ZNF407: variants seen among roughly 807,000 people sequenced by gnomAD.
The protein encoded by ZNF407 is zinc finger protein 407.
Under a neutral mutation model 131.2 loss-of-function variants are expected in ZNF407, and 17 were observed. The ratio of observed to expected loss-of-function variants is 0.13; its 90% CI spans 0.09 to 0.19. ZNF407 has a LOEUF of 0.19. Among genes scored for constraint, ZNF407 ranks in the 10% least tolerant of loss-of-function variants. The pLI is 1.00. For missense variants in ZNF407, 2,681 were observed against 2,830.6 expected (o/e 0.95, Z 1.20); for synonymous variants, 1,156 against 1,062.0 (o/e 1.09, Z -1.72).
intron 3 of ZNF407, among the ~76,000 whole-genome samples, chr18:74,704,946 G>A (rs1263239129): frequency 4.6e-5 from 7 of 152,176 alleles, no homozygotes; most frequent in African/African-American, 9.6e-5. Context: ...ATGAAGATTC[G>A]GTTTCTCTTT....
At chr18:74,980,423 G>A (rs947686098) in intron 8 of ZNF407, among the ~76,000 whole-genome samples, 1 of 152,010 alleles carries the variant, frequency 6.6e-6, no homozygotes, top group African/African-American at 2.4e-5. Flanking sequence ...CCCTGCCTCA[G>A]CCTCCCGAGT....
intron 7 of ZNF407, chr18:74,905,173 T>C (rs1388169197): frequency 1.3e-5 from 2 of 152,256 alleles, no homozygotes; most frequent in South Asian, 2.1e-4. Flanking sequence ...CTACTAAATA[T>C]GTTTAAAAAA....
At chr18:74,693,108 T>G (rs1967268167) in intron 3 of ZNF407, among the ~76,000 whole-genome samples, 1 of 152,230 alleles carries the variant, frequency 6.6e-6, no homozygotes, top group Non-Finnish European at 1.5e-5. Flanking sequence ...AGCTGATTTC[T>G]TCCTATCCAT....
At chr18:74,704,112 T>C (rs1295018051) in intron 3 of ZNF407, among the ~76,000 whole-genome samples, 1 of 152,152 alleles carries the variant, frequency 6.6e-6, no homozygotes, top group African/African-American at 2.4e-5. Context: ...GGCATGGCCA[T>C]GAGGAGGCAC....
At chr18:74,788,201 A>G (rs938978554) in intron 4 of ZNF407, among the ~76,000 whole-genome samples, 43 of 152,288 alleles carry the variant, frequency 2.8e-4, no homozygotes, top group Admixed American at 2.5e-3. Context: ...TCCGCAATAT[A>G]TTTTAAAAAC....
At chr18:75,052,866 T>C (rs1973518552) in intron 8 of ZNF407, among the ~76,000 whole-genome samples, 1 of 152,220 alleles carries the variant, frequency 6.6e-6, no homozygotes, top group South Asian at 2.1e-4. Flanking sequence ...TGATCAGCGT[T>C]CGGACCCATA....
intron 8 of ZNF407, among the ~76,000 whole-genome samples, chr18:74,930,755 C>G (rs1254290057): frequency 6.6e-6 from 1 of 152,198 alleles, no homozygotes; most frequent in Admixed American, 6.5e-5. Flanking sequence ...CTCCTGTGCC[C>G]TGTGTGCACC....
chr18:74,924,391 G>T (rs957709490), intron 8 of ZNF407, among the ~76,000 whole-genome samples: 1 of 151,568 alleles, frequency 6.6e-6, no homozygotes, highest in Non-Finnish European at 1.5e-5. Flanking sequence ...CCCAATCTAG[G>T]TCTAATATGA....
At chr18:74,851,863 G>C (rs1002356859) in intron 4 of ZNF407, among the ~76,000 whole-genome samples, 2 of 152,192 alleles carry the variant, frequency 1.3e-5, no homozygotes, top group African/African-American at 4.8e-5. Flanking sequence ...TGTTCGGCTT[G>C]TACAGGTTGT....
intron 8 of ZNF407, among the ~76,000 whole-genome samples, chr18:74,949,755 T>A (rs1972192863): frequency 6.6e-6 from 1 of 152,170 alleles, no homozygotes; most frequent in Admixed American, 6.5e-5. Flanking sequence ...TATTCCCTGC[T>A]GCTGAATAGA....
chr18:74,622,736 CTG>C (rs1983572463), intron 1 of ZNF407, among the ~76,000 whole-genome samples: 1 of 5,100 alleles, frequency 2.0e-4, no homozygotes, highest in South Asian at 6.3e-3. Context: ...TGGTGTGTGT[CTG>C]TGAGTGTGTG....
intron 3 of ZNF407, among the ~76,000 whole-genome samples, chr18:74,647,223 G>A (rs1599038871): frequency 6.6e-6 from 1 of 152,090 alleles, no homozygotes; most frequent in Middle Eastern, 3.4e-3. Flanking sequence ...TGGGAGAATC[G>A]CTTGAGCCCA....
intron 8 of ZNF407, among the ~76,000 whole-genome samples, chr18:74,934,050 G>C (rs908197608): frequency 6.6e-6 from 1 of 152,016 alleles, no homozygotes. Context: ...TTGATGGCTG[G>C]TCTAGATGCT....
rs142783868 is a variant in ZNF407 at position 74,768,999 on chromosome 18, G to A, written c.4803-12429G>A. 8.9e-4 allele frequency among the ~76,000 whole-genome samples: 136 copies of A among 152,150 alleles called. 2 individuals carry two copies. Among genetic ancestry groups the A allele is most frequent in the Admixed American group, 5.0e-3 (76 of 15,288 alleles). ...GGTCCTCTTCTTAGTCATGGTCATC[G>A]TCGTCATTGTCATCATTATCATCAT... is the stretch of plus-strand genomic sequence containing the variant. On this transcript the variant is annotated intron_variant, in intron 3 of 8. Transcript: ENST00000299687.
intron 8 of ZNF407, among the ~76,000 whole-genome samples, chr18:74,943,118 A>T (rs796939087): frequency 6.6e-6 from 1 of 151,958 alleles, no homozygotes; most frequent in South Asian, 2.1e-4. Context: ...GGGTCTCACC[A>T]CATTAGCCAG....
chr18:74,976,133 C>T (rs1482848095), intron 8 of ZNF407, among the ~76,000 whole-genome samples: 1 of 152,168 alleles, frequency 6.6e-6, no homozygotes, highest in Non-Finnish European at 1.5e-5. Flanking sequence ...GGAAGTAGAG[C>T]AGCTTGCATT....
intron 7 of ZNF407, among the ~76,000 whole-genome samples, chr18:74,896,001 C>G (rs1971449101): frequency 6.6e-6 from 1 of 152,108 alleles, no homozygotes; most frequent in Non-Finnish European, 1.5e-5. Flanking sequence ...AAAAATAGAT[C>G]TTGATCTCTG....
At chr18:74,875,202 G>A (rs1395029943) in intron 4 of ZNF407, among the ~76,000 whole-genome samples, 3 of 152,110 alleles carry the variant, frequency 2.0e-5, no homozygotes, top group East Asian at 1.9e-4. Context: ...TCTTTTTTAA[G>A]TGCCAGAATG....
At chr18:74,996,760 G>A (rs1405023591) in intron 8 of ZNF407, among the ~76,000 whole-genome samples, 1 of 152,200 alleles carries the variant, frequency 6.6e-6, no homozygotes, top group Non-Finnish European at 1.5e-5. Context: ...TTGCAAGGCA[G>A]AGAAAATAAA....
Sources: allele counts gnomAD v4.1 joint callset (sites outside exome capture counted in the v4.1 genomes callset), GRCh38; gene constraint gnomAD v4.1.1; transcripts MANE v1.5; gene names NCBI Gene and HGNC (gene_info 2026-07-23, HGNC 2026-07-21).